PPP1R13B: variants seen among roughly 807,000 people sequenced by gnomAD.
PPP1R13B encodes the protein apoptosis-stimulating of p53 protein 1.
A neutral mutation model predicts 119.8 loss-of-function variants in PPP1R13B; 44 were observed. The ratio of observed to expected loss-of-function variants is 0.37; its 90% CI spans 0.29 to 0.47. The LOEUF is 0.47. PPP1R13B is among the 20% of genes least tolerant of loss of function. The probability of loss-of-function intolerance (pLI) is 0.99; values close to 1 mark genes in which losing one functional copy is unlikely to be tolerated. For synonymous variants in PPP1R13B, 542 were observed against 561.5 expected, an observed-to-expected ratio of 0.97 and a Z score of 0.49; for missense variants, 1,227 against 1,413.5, an observed-to-expected ratio of 0.87 and a Z score of 2.12.
intron 2 of PPP1R13B, among the ~76,000 whole-genome samples, chr14:103,795,680 G>C (rs556644545): frequency 1.3e-5 from 2 of 152,252 alleles, no homozygotes; most frequent in African/African-American, 4.8e-5. Context: ...AAAAAAACAA[G>C]GGAATGAATG....
intron 1 of PPP1R13B, among the ~76,000 whole-genome samples, chr14:103,828,124 T>C (rs1053334773): frequency 6.6e-6 from 1 of 151,992 alleles, no homozygotes; most frequent in Admixed American, 6.6e-5. Flanking sequence ...CCCAGCACTG[T>C]AGGAGGCCGA....
chr14:103,846,578 T>A (rs2087040053), intron 1 of PPP1R13B, among the ~76,000 whole-genome samples: 1 of 152,174 alleles, frequency 6.6e-6, no homozygotes, highest in African/African-American at 2.4e-5. Flanking sequence ...AGCCAATTTT[T>A]AAAAATCAGA....
At chr14:103,790,610 T>C (rs1487493216) in intron 2 of PPP1R13B, among the ~76,000 whole-genome samples, 2 of 151,078 alleles carry the variant, frequency 1.3e-5, no homozygotes, top group Non-Finnish European at 3.0e-5. Context: ...AACCCCATCT[T>C]TACTAAAAGT....
intron 1 of PPP1R13B, among the ~76,000 whole-genome samples, chr14:103,827,552 G>A (rs998602587): frequency 6.6e-6 from 1 of 151,038 alleles, no homozygotes. Context: ...GTTATAGTAT[G>A]ATATAGTATA....
At chr14:103,813,312 G>A (rs2086203056) in intron 1 of PPP1R13B, among the ~76,000 whole-genome samples, 1 of 151,696 alleles carries the variant, frequency 6.6e-6, no homozygotes, top group Non-Finnish European at 1.5e-5. Flanking sequence ...CCATCTTTCT[G>A]TATATCTAAA....
intron 7 of PPP1R13B, 61 bp from the exon 8 acceptor site, chr14:103,749,995 C>T: frequency 6.4e-7 from 1 of 1,557,262 alleles, no homozygotes; most frequent in Non-Finnish European, 8.7e-7. Flanking sequence ...ATTCTCATTG[C>T]CAGGGAGATT....
At chr14:103,762,901 T>A in intron 4 of PPP1R13B, 1 of 952,704 alleles carries the variant, frequency 1.0e-6, no homozygotes, top group Middle Eastern at 3.1e-4. Flanking sequence ...CAGAGCAAAT[T>A]TCCATCAGGA....
chr14:103,744,269 C>G (rs1449331778), intron 9 of PPP1R13B, among the ~76,000 whole-genome samples: 1 of 152,214 alleles, frequency 6.6e-6, no homozygotes, highest in African/African-American at 2.4e-5. Context: ...TATAGAGGAA[C>G]AATTATCTTT....
At position 103,834,581 on chromosome 14, in the gene PPP1R13B, C is replaced by CTT. The variant is rs1157222905; in HGVS notation, c.9+12716_9+12717dup. On this transcript the variant is annotated intron_variant, in intron 1 of 16. Coordinates refer to ENST00000202556, the MANE Select transcript of PPP1R13B (RefSeq NM_015316.3). The stretch of plus-strand genomic sequence containing the variant: ...GCACAGGGAAGGTAAATTTTAATGT[C>CTT]TTTTTTTTTTTTTTTTTTTTTTTTT... Among the ~76,000 whole-genome samples the CTT allele has an allele frequency of 1.6e-3, 147 of 89,404 alleles. 3 individuals are homozygous for CTT. Among genetic ancestry groups the CTT allele is most frequent in the African/African-American group, 3.1e-3 (61 of 19,634 alleles). 58.7% of individuals were successfully genotyped at this position (89,404 alleles called of 152,430 possible).
At chr14:103,745,681 G>A (rs1051109952) in intron 9 of PPP1R13B, among the ~76,000 whole-genome samples, 2 of 152,222 alleles carry the variant, frequency 1.3e-5, no homozygotes, top group African/African-American at 4.8e-5. Context: ...GCTGTTTGTA[G>A]GGGCAGCCCC....
intron 7 of PPP1R13B, 133 bp from the exon 8 acceptor site, chr14:103,750,067 G>A: frequency 2.2e-6 from 2 of 925,586 alleles, no homozygotes; most frequent in South Asian, 1.7e-5. Context: ...GCCACCTTGT[G>A]TGGAATATTT....
chr14:103,821,801 C>A (rs1177446468), intron 1 of PPP1R13B, among the ~76,000 whole-genome samples: 1 of 151,752 alleles, frequency 6.6e-6, no homozygotes, highest in African/African-American at 2.4e-5. Context: ...GAGCTGACCA[C>A]AAAATAGATC....
chr14:103,801,583 T>G (rs944116051), intron 1 of PPP1R13B, among the ~76,000 whole-genome samples: 1 of 152,218 alleles, frequency 6.6e-6, no homozygotes, highest in Non-Finnish European at 1.5e-5. Flanking sequence ...GGAGGCCACA[T>G]GCTCCTTCCT....
chr14:103,803,722 A>T (rs2152049873), intron 1 of PPP1R13B, among the ~76,000 whole-genome samples: 1 of 152,320 alleles, frequency 6.6e-6, no homozygotes, highest in East Asian at 1.9e-4. Context: ...GGAAAACAAA[A>T]ATTTCTAATT....
intron 3 of PPP1R13B, among the ~76,000 whole-genome samples, chr14:103,784,292 G>A (rs2152024394): frequency 6.6e-6 from 1 of 152,094 alleles, no homozygotes; most frequent in East Asian, 1.9e-4. Context: ...TAAAAAGTGT[G>A]ATGTAATTGG....
chr14:103,807,722 C>T (rs2086051790), intron 1 of PPP1R13B, among the ~76,000 whole-genome samples: 1 of 152,052 alleles, frequency 6.6e-6, no homozygotes. Flanking sequence ...TCTCGATCTC[C>T]TGACCGTGTG....
In PPP1R13B at chr14:103,738,476, C is replaced by T. The variant is rs983192743; in HGVS notation, c.2864+203G>A. On this transcript the variant is annotated intron_variant, in intron 14 of 16. Coordinates refer to ENST00000202556, the MANE Select transcript of PPP1R13B (RefSeq NM_015316.3). This position sits in a 1 kb window ranked among gnomAD's most constrained non-coding sequence, Gnocchi z 5.6. ...CACAGAAAGAGCATAACCACAGCCA[C>T]GTTTTTAACAAAATCATCAAGAGAA... 54 of 755,564 alleles carry T rather than the reference C, an allele frequency of 7.1e-5. No homozygotes were observed. Among genetic ancestry groups the T allele is most frequent in the South Asian group, 7.1e-4 (37 of 52,416 alleles). The allele number at this position is 755,564 out of a possible 1,614,324, so 46.8% of individuals were successfully genotyped here. A position where few individuals can be genotyped will look rare whatever the true frequency, so the allele number is the denominator to read the frequency against.
Position 103,738,307 on chromosome 14 carries a change from C to T in PPP1R13B, c.2864+372G>A, listed in dbSNP as rs1432656243. ...CCGAAGGCAAACGGAATGAACAATG[C>T]GACAACCTACATGCCTGACCCAGGG... On this transcript the variant is annotated intron_variant, in intron 14 of 16. Transcript: ENST00000202556. This position sits in a 1 kb window ranked among gnomAD's most constrained non-coding sequence, Gnocchi z 5.6. 3.3e-5 allele frequency: 10 copies of T among 298,920 alleles called. No individual in the cohort carries two copies. In the East Asian group the frequency reaches 4.7e-4, roughly 14 times the overall value. The allele number at this position is 298,920 out of a possible 1,614,324, so 18.5% of individuals were successfully genotyped here.
chr14:103,838,456 A>G (rs1052585546), intron 1 of PPP1R13B, among the ~76,000 whole-genome samples: 15 of 152,240 alleles, frequency 9.9e-5, no homozygotes, highest in Non-Finnish European at 4.4e-5. Context: ...AATGTTTAAG[A>G]TTACAACTAA....
Sources: gnomAD v4.1 joint callset for allele counts (sites outside exome capture counted in the v4.1 genomes callset) on GRCh38, gnomAD v4.1.1 for gene constraint, Gnocchi (gnomAD v3.1) non-coding constraint, MANE v1.5 for transcripts, NCBI Gene and HGNC (gene_info 2026-07-23, HGNC 2026-07-21) for gene names.